SLC4A10: variants seen among roughly 807,000 people sequenced by gnomAD.
SLC4A10 encodes solute carrier family 4 member 10.
SLC4A10 carries 42 observed loss-of-function variants against 137.7 expected under a neutral mutation model. That is an observed-to-expected ratio of 0.30 (90% CI 0.24 to 0.39). The LOEUF is 0.39. Ranked by LOEUF, SLC4A10 falls within the 10% of genes least tolerant of loss-of-function variation. The probability of loss-of-function intolerance (pLI) is 1.00; values close to 1 mark genes in which losing one functional copy is unlikely to be tolerated. For synonymous variants in SLC4A10, 474 were observed against 464.1 expected (o/e 1.02, Z -0.27); for missense variants, 925 against 1,355.0 (o/e 0.68, Z 4.98).
chr2:161,733,945 A>G (rs2047064196), intron 1 of SLC4A10, among the ~76,000 whole-genome samples: 1 of 152,172 alleles, frequency 6.6e-6, no homozygotes, highest in Admixed American at 6.5e-5. Context: ...GGACCCTGGA[A>G]AACCTTTGTT....
intron 19 of SLC4A10, 102 bp from the exon 20 acceptor site, chr2:161,956,887 C>T: frequency 7.9e-7 from 1 of 1,266,374 alleles, no homozygotes; most frequent in Non-Finnish European, 1.1e-6. Flanking sequence ...ATATGAAGGG[C>T]TTGTTGAGTA....
At chr2:161,727,861 AC>A (rs1226648220) in intron 1 of SLC4A10, among the ~76,000 whole-genome samples, 1 of 152,156 alleles carries the variant, frequency 6.6e-6, no homozygotes, top group African/African-American at 2.4e-5. Flanking sequence ...GAACAAAAGG[AC>A]CGGTGTATGA....
intron 3 of SLC4A10, among the ~76,000 whole-genome samples, chr2:161,828,471 T>G (rs2058175235): frequency 6.6e-6 from 1 of 150,858 alleles, no homozygotes; most frequent in South Asian, 2.1e-4. Context: ...GATATAATCC[T>G]CATTTAAAAT....
chr2:161,713,502 T>C (rs1356418047), intron 1 of SLC4A10, among the ~76,000 whole-genome samples: 2 of 151,802 alleles, frequency 1.3e-5, no homozygotes, highest in East Asian at 1.9e-4. Context: ...TCAAAAGTCC[T>C]AGATTTCAGA....
chr2:161,896,583 C>A (rs544627900), intron 11 of SLC4A10, among the ~76,000 whole-genome samples: 2 of 151,932 alleles, frequency 1.3e-5, no homozygotes, highest in South Asian at 2.1e-4. Context: ...TTACAAGGGA[C>A]GTGAAGGACC....
intron 1 of SLC4A10, among the ~76,000 whole-genome samples, chr2:161,711,169 A>G (rs563162204): frequency 1.3e-5 from 2 of 151,978 alleles, no homozygotes; most frequent in East Asian, 1.9e-4. Flanking sequence ...TCAGTAAAAT[A>G]GCAAAATAGC....
At chr2:161,893,585 G>C (rs375230626) in intron 10 of SLC4A10, among the ~76,000 whole-genome samples, 1 of 151,876 alleles carries the variant, frequency 6.6e-6, no homozygotes, top group Non-Finnish European at 1.5e-5. Flanking sequence ...TGTAGTCCCA[G>C]CTACTTGGAA....
At chr2:161,925,628 T>C (rs1688933558) in intron 15 of SLC4A10, among the ~76,000 whole-genome samples, 2 of 152,220 alleles carry the variant, frequency 1.3e-5, no homozygotes, top group African/African-American at 4.8e-5. Flanking sequence ...TTTCTGGTTC[T>C]TTTAATTGTG....
Position 161,872,314 on chromosome 2 carries a change from A to C in SLC4A10, c.788A>C (p.Gln263Pro). The C allele has an allele frequency of 7.4e-6, 12 of 1,613,560 alleles. No individual in the cohort carries two copies. The highest frequency in any genetic ancestry group is 9.3e-6 in the Non-Finnish European group (11 of 1,179,662). ...TTAGCAGGTCAGGTTGTTTCTCCTCAGTCTGCTCCAGCCTGTGTTGAAAAT... is the reference window on the plus strand; with the variant it reads ...TTAGCAGGTCAGGTTGTTTCTCCTCCGTCTGCTCCAGCCTGTGTTGAAAAT... ...DKNAGQVVSP[Q>P]SAPACVENKN... The change falls in exon 7 of 27, where the codon CAG becomes CCG. Residue 263 changes from glutamine to proline, a missense_variant. Transcript: ENST00000446997.
At chr2:161,796,773 T>C (rs1349843478) in intron 2 of SLC4A10, among the ~76,000 whole-genome samples, 3 of 152,340 alleles carry the variant, frequency 2.0e-5, no homozygotes, top group Non-Finnish European at 4.4e-5. Context: ...CATGGAAATC[T>C]GTTTTTCTCC....
rs372039645 is a variant in SLC4A10 at position 161,949,715 on chromosome 2, A to T, written c.2379+454A>T. ...TGGGATCGGAAGTGTTTCAGAGTTC[A>T]TTTTTTTTTCAAATTTTGAAATATT... is the stretch of plus-strand genomic sequence containing the variant. On this transcript the variant is annotated intron_variant, in intron 18 of 26. Transcript: ENST00000446997. Among the ~76,000 whole-genome samples the T allele has an allele frequency of 1.9e-4, 29 of 149,284 alleles. No homozygotes were observed. The East Asian group carries it at 5.7e-3, about 29-fold the overall frequency.
intron 1 of SLC4A10, among the ~76,000 whole-genome samples, chr2:161,645,195 T>A (rs1043958325): frequency 2.7e-5 from 4 of 149,640 alleles, no homozygotes; most frequent in African/African-American, 9.8e-5. Flanking sequence ...TTTATTGACA[T>A]CCACGTGTTG....
Position 161,733,520 on chromosome 2 carries a change from C to T in SLC4A10, c.49-37453C>T, listed in dbSNP as rs544034615. On this transcript the variant is annotated intron_variant, in intron 1 of 26. Coordinates refer to ENST00000446997, the MANE Select transcript of SLC4A10 (RefSeq NM_001178015.2). Reference sequence around the variant, plus strand: ...TGGATGACTAAGCAGAAGTTTGCTACAGGGGCAGGGCTCTCATGGAGTACC... The same window carrying T: ...TGGATGACTAAGCAGAAGTTTGCTATAGGGGCAGGGCTCTCATGGAGTACC... Among the ~76,000 whole-genome samples, 20 of 152,348 alleles carry T rather than the reference C, an allele frequency of 1.3e-4. No individual in the cohort carries two copies. The South Asian group carries it at 3.1e-3, about 24-fold the overall frequency.
At chr2:161,960,118 CA>C (rs945331811) in intron 21 of SLC4A10, among the ~76,000 whole-genome samples, 1 of 151,906 alleles carries the variant, frequency 6.6e-6, no homozygotes, top group African/African-American at 2.4e-5. Context: ...GTAATCCCAG[CA>C]CTTTGGGAAG....
In SLC4A10 at chr2:161,891,245, A is replaced by G. The variant is rs1277494845; in HGVS notation, c.1195-3434A>G. Reference sequence around the variant, plus strand: ...CCTTAACATTTTTCCCTTCATTTCAACCTTGGTGAATCTGATGATTTTGTG... The same window carrying G: ...CCTTAACATTTTTCCCTTCATTTCAGCCTTGGTGAATCTGATGATTTTGTG... On this transcript the variant is annotated intron_variant, in intron 10 of 26. Coordinates refer to ENST00000446997, the MANE Select transcript of SLC4A10 (RefSeq NM_001178015.2). Among the ~76,000 whole-genome samples the G allele has an allele frequency of 5.3e-5, 8 of 151,922 alleles. No individual in the cohort carries two copies. In the East Asian group the frequency reaches 1.4e-3, roughly 26 times the overall value.
intron 15 of SLC4A10, among the ~76,000 whole-genome samples, chr2:161,914,305 T>C (rs1686571409): frequency 6.6e-6 from 1 of 152,210 alleles, no homozygotes; most frequent in Admixed American, 6.5e-5. Flanking sequence ...TCTGTGCTCA[T>C]AGCTCTCAGT....
rs114709046 is a variant in SLC4A10 at position 161,941,041 on chromosome 2, A to C, written c.1998-1751A>C. Reference sequence around the variant, plus strand: ...ATGTCCCAGGACATTGTAAAAAATAACAGAACAATCTAGAACAGAATAGCT... The same window carrying C: ...ATGTCCCAGGACATTGTAAAAAATACCAGAACAATCTAGAACAGAATAGCT... On this transcript the variant is annotated intron_variant, in intron 15 of 26. Coordinates refer to ENST00000446997, the MANE Select transcript of SLC4A10 (RefSeq NM_001178015.2). 8.7e-3 allele frequency among the ~76,000 whole-genome samples: 1,329 copies of C among 152,324 alleles called. 15 individuals carry two copies. Among genetic ancestry groups the C allele is most frequent in the African/African-American group, 0.03 (1,238 of 41,574 alleles).
chr2:161,911,956 T>A (rs1685961269), intron 15 of SLC4A10, among the ~76,000 whole-genome samples: 1 of 152,290 alleles, frequency 6.6e-6, no homozygotes, highest in South Asian at 2.1e-4. Context: ...AAACACTTGC[T>A]ATCCTTGTTT....
chr2:161,791,963 C>T (rs1025193842), intron 2 of SLC4A10, among the ~76,000 whole-genome samples: 4 of 152,088 alleles, frequency 2.6e-5, no homozygotes. Context: ...AGAAATCTTA[C>T]AAAAGTATAG....
Sources: gnomAD v4.1 joint callset for allele counts (sites outside exome capture counted in the v4.1 genomes callset) on GRCh38, gnomAD v4.1.1 for gene constraint, MANE v1.5 for transcripts, NCBI Gene and HGNC (gene_info 2026-07-23, HGNC 2026-07-21) for gene names.